The following SNTG1 variants were observed in gnomAD, a reference collection of about 807,000 sequenced individuals.
SNTG1 encodes the protein gamma-1-syntrophin.
In SNTG1, 39 loss-of-function variants were observed where a neutral mutation model predicts 74.7. That is an observed-to-expected ratio of 0.52 (90% CI 0.40 to 0.68). SNTG1 has a LOEUF of 0.68. SNTG1 is among the 30% of genes least tolerant of loss of function. The probability of loss-of-function intolerance (pLI) is 0.00; values close to 1 mark genes in which losing one functional copy is unlikely to be tolerated. For synonymous variants in SNTG1, 254 were observed against 217.1 expected, an observed-to-expected ratio of 1.17 and a Z score of -1.49; for missense variants, 685 against 609.5, an observed-to-expected ratio of 1.12 and a Z score of -1.30.
intron 13 of SNTG1, among the ~76,000 whole-genome samples, chr8:50,598,162 C>A (rs1231529729): frequency 6.6e-6 from 1 of 151,708 alleles, no homozygotes; most frequent in Non-Finnish European, 1.5e-5. Flanking sequence ...TTTCATGAAG[C>A]AATTTCCCTA....
At chr8:50,246,360 A>G (rs1045129934) in intron 2 of SNTG1, among the ~76,000 whole-genome samples, 4 of 152,084 alleles carry the variant, frequency 2.6e-5, no homozygotes, top group Admixed American at 6.6e-5. Context: ...ACTTCTCAAC[A>G]TAAGTTCCAT....
At chr8:49,935,397 T>TG (rs968231573) in intron 1 of SNTG1, among the ~76,000 whole-genome samples, 2 of 148,148 alleles carry the variant, frequency 1.3e-5, no homozygotes, top group African/African-American at 5.1e-5. Flanking sequence ...AATTCCTTTT[T>TG]TTTTTTTTTT....
intron 15 of SNTG1, among the ~76,000 whole-genome samples, 198 bp downstream of exon 15, chr8:50,658,861 A>G (rs781295276): frequency 3.3e-5 from 5 of 152,208 alleles, no homozygotes; most frequent in Non-Finnish European, 7.3e-5. Flanking sequence ...GCACTCAGCT[A>G]TCTGCTTAAA....
At chr8:50,404,398 T>C (rs1297323919) in intron 4 of SNTG1, among the ~76,000 whole-genome samples, 2 of 152,128 alleles carry the variant, frequency 1.3e-5, no homozygotes, top group Non-Finnish European at 2.9e-5. Context: ...TGTGTGGATA[T>C]GTACAAGTTG....
chr8:50,285,735 C>T (rs2088735857), intron 2 of SNTG1, among the ~76,000 whole-genome samples: 2 of 151,418 alleles, frequency 1.3e-5, no homozygotes, highest in African/African-American at 2.4e-5. Flanking sequence ...AACTTTTTCT[C>T]CAATGGAATT....
At chr8:50,006,961 G>T (rs1815299673) in intron 1 of SNTG1, among the ~76,000 whole-genome samples, 1 of 152,092 alleles carries the variant, frequency 6.6e-6, no homozygotes, top group Non-Finnish European at 1.5e-5. Flanking sequence ...TTAGGCCCTA[G>T]GGGACTAAGT....
intron 4 of SNTG1, among the ~76,000 whole-genome samples, chr8:50,429,678 A>T (rs886525830): frequency 6.6e-6 from 1 of 152,174 alleles, no homozygotes; most frequent in Non-Finnish European, 1.5e-5. Context: ...TTCAAATAAC[A>T]CTATCAATAC....
chr8:50,718,349 A>C (rs1279291757), intron 17 of SNTG1, among the ~76,000 whole-genome samples: 2 of 152,200 alleles, frequency 1.3e-5, no homozygotes, highest in East Asian at 1.9e-4. Context: ...CATGTTGAAG[A>C]GTTGGCACTT....
At chr8:50,637,842 G>A (rs957438188) in intron 13 of SNTG1, among the ~76,000 whole-genome samples, 1 of 151,806 alleles carries the variant, frequency 6.6e-6, no homozygotes, top group Non-Finnish European at 1.5e-5. Flanking sequence ...ATTACTGTAA[G>A]GTACAAGAGT....
chr8:50,449,902 A>G (rs1481475), intron 6 of SNTG1, among the ~76,000 whole-genome samples, 177 bp downstream of exon 6: 130,949 of 152,132 alleles, frequency 0.86, 56,492 homozygotes, highest in Non-Finnish European at 0.89. Context: ...CTCCTGTGGG[A>G]GAGGACTTCT....
At chr8:50,052,226 A>C (rs1450125184) in intron 1 of SNTG1, among the ~76,000 whole-genome samples, 1 of 152,118 alleles carries the variant, frequency 6.6e-6, no homozygotes, top group African/African-American at 2.4e-5. Flanking sequence ...AAAGATACAC[A>C]TGTAAATTAA....
At position 50,291,035 on chromosome 8, in the gene SNTG1, C is replaced by T. The variant is rs553652462; in HGVS notation, c.-27-103177C>T. Among the ~76,000 whole-genome samples, 10 of 152,226 alleles carry T rather than the reference C, an allele frequency of 6.6e-5. No individual in the cohort carries two copies. In the East Asian group the frequency reaches 1.9e-3, roughly 29 times the overall value. On this transcript the variant is annotated intron_variant, in intron 2 of 18. Transcript: ENST00000642720. ...CCTCCCAAAGTGCTGGGACTGCAGA[C>T]ATTGACCACCCTATACATTTATGTA...
chr8:49,985,286 C>T (rs971911485), intron 1 of SNTG1, among the ~76,000 whole-genome samples: 13 of 152,064 alleles, frequency 8.5e-5, no homozygotes, highest in African/African-American at 2.7e-4. Context: ...ACTACAGGTG[C>T]GCATCGCCAT....
In SNTG1 at chr8:49,962,654, G is replaced by T. The variant is rs376716243; in HGVS notation, c.-103+50423G>T. 9.2e-5 allele frequency among the ~76,000 whole-genome samples: 14 copies of T among 152,218 alleles called. No homozygotes were observed. The South Asian group carries it at 1.7e-3, about 18-fold the overall frequency. On this transcript the variant is annotated intron_variant, in intron 1 of 18. Transcript: ENST00000642720. ...TCTGTCACCCAGGCTGGGGTGCAGTGATGTGACCTCAACTCACTGCAACCT... is the reference window on the plus strand; with the variant it reads ...TCTGTCACCCAGGCTGGGGTGCAGTTATGTGACCTCAACTCACTGCAACCT...
At chr8:50,029,562 GTT>G (rs1817567877) in intron 1 of SNTG1, among the ~76,000 whole-genome samples, 1 of 152,006 alleles carries the variant, frequency 6.6e-6, no homozygotes, top group Non-Finnish European at 1.5e-5. Flanking sequence ...GAGTTCAACT[GTT>G]TTAATTTTCA....
intron 13 of SNTG1, among the ~76,000 whole-genome samples, chr8:50,652,987 T>C (rs1048833361): frequency 5.3e-5 from 8 of 152,012 alleles, no homozygotes; most frequent in African/African-American, 1.9e-4. Context: ...GCTAAATCAA[T>C]TGATTTTTGG....
At chr8:50,740,088 A>G (rs944492245) in intron 17 of SNTG1, among the ~76,000 whole-genome samples, 1 of 152,136 alleles carries the variant, frequency 6.6e-6, no homozygotes, top group Non-Finnish European at 1.5e-5. Flanking sequence ...GAAGATGCCA[A>G]AAGCAATTAC....
intron 13 of SNTG1, 104 bp from the exon 14 acceptor site, chr8:50,656,804 GA>G: frequency 1.3e-6 from 1 of 776,086 alleles, no homozygotes; most frequent in Admixed American, 2.7e-5. Context: ...AATACTACAT[GA>G]AAAATACCTA....
At chr8:50,229,771 G>C (rs13251587) in intron 2 of SNTG1, among the ~76,000 whole-genome samples, 50,009 of 151,160 alleles carry the variant, frequency 0.33, 8,918 homozygotes, top group African/African-American at 0.47. Context: ...CCAGTGGCAA[G>C]AGAATTCAAA....
Sources: allele counts gnomAD v4.1 joint callset (sites outside exome capture counted in the v4.1 genomes callset), GRCh38; gene constraint gnomAD v4.1.1; transcripts MANE v1.5; gene names NCBI Gene and HGNC (gene_info 2026-07-23, HGNC 2026-07-21).